Variants in CAMTA1 observed in about 807,000 individuals in gnomAD.
CAMTA1 encodes the protein calmodulin binding transcription activator 1.
Under a neutral mutation model 170.9 loss-of-function variants are expected in CAMTA1, and 27 were observed. That is an observed-to-expected ratio of 0.16 (90% confidence interval 0.12 to 0.22). The LOEUF (loss-of-function observed/expected upper bound fraction) is 0.22, where lower values mean the gene tolerates loss of function less well. Ranked by LOEUF, CAMTA1 falls within the 10% of genes least tolerant of loss-of-function variation. The pLI is 1.00. For missense variants in CAMTA1, 1,619 were observed against 2,217.2 expected (o/e 0.73, Z 5.42); for synonymous variants, 833 against 891.5 (o/e 0.93, Z 1.17).
At chr1:7,104,008 C>T (rs904030164) in intron 4 of CAMTA1, among the ~76,000 whole-genome samples, 2 of 149,750 alleles carry the variant, frequency 1.3e-5, no homozygotes, top group African/African-American at 5.0e-5. Flanking sequence ...GAACACAACA[C>T]ACTACACACA....
intron 3 of CAMTA1, among the ~76,000 whole-genome samples, chr1:6,857,838 A>C (rs1173765263): frequency 6.6e-6 from 1 of 152,212 alleles, no homozygotes; most frequent in Non-Finnish European, 1.5e-5. Context: ...AGAAAAAAAA[A>C]GCCTATTAAT....
intron 5 of CAMTA1, among the ~76,000 whole-genome samples, chr1:7,416,636 T>A (rs1392029633): frequency 2.6e-5 from 4 of 152,218 alleles, no homozygotes; most frequent in Non-Finnish European, 4.4e-5. Flanking sequence ...CTTCTCTGCA[T>A]TGGTTATTCT....
At chr1:7,011,450 C>T (rs1453388529) in intron 3 of CAMTA1, among the ~76,000 whole-genome samples, 5 of 152,156 alleles carry the variant, frequency 3.3e-5, no homozygotes, top group African/African-American at 1.2e-4. Context: ...ATCTTTCTAG[C>T]GCCCTCTGAG....
At chr1:7,031,546 C>CT (rs1172108544) in intron 3 of CAMTA1, among the ~76,000 whole-genome samples, 6 of 151,892 alleles carry the variant, frequency 4.0e-5, no homozygotes, top group Non-Finnish European at 5.9e-5. Flanking sequence ...CAGTCTCTGT[C>CT]TTTTTTTTCT....
chr1:7,310,671 C>CTTT (rs59687486), intron 5 of CAMTA1, among the ~76,000 whole-genome samples: 2,124 of 32,846 alleles, frequency 0.065, 158 homozygotes, highest in African/African-American at 0.074. Flanking sequence ...TTCTTTCTTT[C>CTTT]CTTTCTTTCT....
intron 5 of CAMTA1, among the ~76,000 whole-genome samples, chr1:7,406,639 AGCACACACAC>A (rs762512775): frequency 6.6e-6 from 1 of 151,586 alleles, no homozygotes; most frequent in East Asian, 1.9e-4. Context: ...GACACACACG[AGCACACACAC>A]GCACACACAT....
In CAMTA1 at chr1:7,547,342, T is replaced by A. The variant is rs1434140778; in HGVS notation, c.510+79441T>A. ...TAGATAGAGCTGGGGAATATATGTA[T>A]CATATGCACACACACACACACACAC... is the stretch of plus-strand genomic sequence containing the variant. On this transcript the variant is annotated intron_variant, in intron 6 of 22. Coordinates refer to ENST00000303635, the MANE Select transcript of CAMTA1 (RefSeq NM_015215.4). This position sits in a 1 kb window ranked among gnomAD's most constrained non-coding sequence, Gnocchi z 5.7. 7.9e-6 allele frequency among the ~76,000 whole-genome samples: 1 copy of A among 126,512 alleles called. No homozygotes were observed. Among genetic ancestry groups the A allele is most frequent in the Admixed American group, 9.3e-5 (1 of 10,810 alleles). The allele number at this position is 126,512 out of a possible 152,430, so 83.0% of individuals were successfully genotyped here.
Position 7,680,136 on chromosome 1 carries a change from G to A in CAMTA1, c.2914+2403G>A, listed in dbSNP as rs2096173670. On this transcript the variant is annotated intron_variant, in intron 11 of 22. Transcript: ENST00000303635. This position sits in a 1 kb window ranked among gnomAD's most constrained non-coding sequence, Gnocchi z 4.4. The stretch of plus-strand genomic sequence containing the variant: ...GCGGGAACAGCTAGTCGGGAGCGCG[G>A]GGGTCCCGGGCCTCTGGCCAGCCAC... 5.3e-6 allele frequency: 1 copy of A among 187,812 alleles called. No homozygotes were observed. The allele number at this position is 187,812 out of a possible 1,614,324, so 11.6% of individuals were successfully genotyped here.
chr1:7,321,936 C>T (rs1351880880), intron 5 of CAMTA1, among the ~76,000 whole-genome samples: 1 of 152,096 alleles, frequency 6.6e-6, no homozygotes, highest in Admixed American at 6.5e-5. Context: ...AAATTGGGAA[C>T]ATATCTTGAG....
At chr1:7,131,111 G>A (rs9434476) in intron 4 of CAMTA1, among the ~76,000 whole-genome samples, 32,121 of 151,894 alleles carry the variant, frequency 0.21, 3,772 homozygotes, top group Non-Finnish European at 0.26. Flanking sequence ...GCGCCATCAT[G>A]CCTGGCTAAT....
chr1:6,904,329 C>T (rs997183054), intron 3 of CAMTA1, among the ~76,000 whole-genome samples: 2 of 152,186 alleles, frequency 1.3e-5, no homozygotes, highest in African/African-American at 2.4e-5. Flanking sequence ...CTCCCTCAGC[C>T]CTGGGACACC....
intron 6 of CAMTA1, among the ~76,000 whole-genome samples, chr1:7,625,214 G>A (rs2095625131): frequency 6.6e-6 from 1 of 152,250 alleles, no homozygotes; most frequent in African/African-American, 2.4e-5. Flanking sequence ...TGGCTCAAAG[G>A]CAGACCAGTC....
At chr1:7,591,756 C>T (rs1156675460) in intron 6 of CAMTA1, among the ~76,000 whole-genome samples, 2 of 152,200 alleles carry the variant, frequency 1.3e-5, no homozygotes, top group Non-Finnish European at 2.9e-5. Flanking sequence ...GCCCATGGTC[C>T]ACCGTGCTCA....
chr1:7,707,125 C>G (rs1371405130), intron 11 of CAMTA1, among the ~76,000 whole-genome samples: 1 of 152,050 alleles, frequency 6.6e-6, no homozygotes. Context: ...ACCTTGTGAT[C>G]TGCCTGCCTC....
In CAMTA1 at chr1:7,443,985, C is replaced by T. The variant is rs1258347600; in HGVS notation, c.439-23845C>T. ...TCCGTCGGTGAGCCATCGAGCCCCT[C>T]CTTCAGGCCCCCAGAGGAAGCTGGA... is the stretch of plus-strand genomic sequence containing the variant. On this transcript the variant is annotated intron_variant, in intron 5 of 22. Transcript: ENST00000303635. This position sits in a 1 kb window ranked among gnomAD's most constrained non-coding sequence, Gnocchi z 4.1. Among the ~76,000 whole-genome samples, 2 of 151,696 alleles carry T rather than the reference C, an allele frequency of 1.3e-5. No homozygotes were observed. The highest frequency in any genetic ancestry group is 4.8e-5 in the African/African-American group (2 of 41,376).
intron 1 of CAMTA1, among the ~76,000 whole-genome samples, chr1:6,786,134 C>G (rs536497812): frequency 5.9e-5 from 9 of 152,054 alleles, no homozygotes; most frequent in Non-Finnish European, 1.3e-4. Context: ...CCGGCACCCT[C>G]TTCAGCCCCG....
intron 1 of CAMTA1, among the ~76,000 whole-genome samples, chr1:6,794,775 T>C (rs553064095): frequency 6.6e-6 from 1 of 152,336 alleles, no homozygotes; most frequent in East Asian, 1.9e-4. Flanking sequence ...TGCCGAGAGA[T>C]GAAAAATATG....
chr1:7,625,336 C>T (rs2150804078), intron 6 of CAMTA1, among the ~76,000 whole-genome samples: 1 of 152,380 alleles, frequency 6.6e-6, no homozygotes, highest in South Asian at 2.1e-4. Flanking sequence ...TCCTTCAGCT[C>T]TGCTGGCATT....
At chr1:7,720,540 C>G (rs2096642917) in intron 11 of CAMTA1, among the ~76,000 whole-genome samples, 1 of 152,110 alleles carries the variant, frequency 6.6e-6, no homozygotes, top group South Asian at 2.1e-4. Context: ...TACCACCATG[C>G]CTGGCTAAAT....
Sources: gnomAD v4.1 joint callset for allele counts (sites outside exome capture counted in the v4.1 genomes callset) on GRCh38, gnomAD v4.1.1 for gene constraint, Gnocchi (gnomAD v3.1) non-coding constraint, MANE v1.5 for transcripts, NCBI Gene and HGNC (gene_info 2026-07-23, HGNC 2026-07-21) for gene names.